CTIF: variants seen among roughly 807,000 people sequenced by gnomAD.
CTIF encodes CBP80/20-dependent translation initiation factor.
In CTIF, 21 loss-of-function variants were observed where a neutral mutation model predicts 66.0. The ratio of observed to expected loss-of-function variants is 0.32; its 90% CI spans 0.23 to 0.46. The LOEUF (loss-of-function observed/expected upper bound fraction) is 0.46. CTIF is among the 20% of genes least tolerant of loss of function. CTIF has a pLI of 1.00. For missense variants in CTIF, 739 were observed against 812.7 expected, an observed-to-expected ratio of 0.91 and a Z score of 1.10; for synonymous variants, 345 against 326.4, an observed-to-expected ratio of 1.06 and a Z score of -0.62.
At chr18:48,636,552 T>C (rs1323851453) in intron 2 of CTIF, 62 bp from the exon 3 acceptor site, 3 of 1,266,600 alleles carry the variant, frequency 2.4e-6, no homozygotes, top group South Asian at 2.0e-5. Context: ...TCCTGCAGCC[T>C]GGCAGAGTGA....
chr18:48,775,386 G>A lies in CTIF; in HGVS notation c.1371+13697G>A, dbSNP rs555443595. ...CTTTTGATGATTCCATTCATTCAAG[G>A]TTCTTAGGGGAGGTCCCAGGCAGGG... On this transcript the variant is annotated intron_variant, in intron 9 of 11. Transcript: ENST00000256413. Among the ~76,000 whole-genome samples the A allele has an allele frequency of 5.9e-4, 90 of 152,342 alleles. 1 individual carries two copies. Among genetic ancestry groups the A allele is most frequent in the Non-Finnish European group, 1.1e-3 (78 of 68,032 alleles).
intron 7 of CTIF, among the ~76,000 whole-genome samples, chr18:48,732,099 C>T (rs967920652): frequency 2.6e-5 from 4 of 152,212 alleles, no homozygotes; most frequent in Non-Finnish European, 4.4e-5. Flanking sequence ...ACCTTACAGC[C>T]GAGGAGACCA....
chr18:48,684,442 T>C (rs918254749), intron 6 of CTIF, among the ~76,000 whole-genome samples: 2 of 152,194 alleles, frequency 1.3e-5, no homozygotes, highest in Non-Finnish European at 2.9e-5. Flanking sequence ...AATACAGATA[T>C]CTAATCTCTA....
At chr18:48,804,874 G>A (rs576458009) in intron 9 of CTIF, among the ~76,000 whole-genome samples, 85 of 152,118 alleles carry the variant, frequency 5.6e-4, no homozygotes, top group African/African-American at 8.0e-4. Flanking sequence ...GCCCCTCACC[G>A]TCCAGTCCCC....
At chr18:48,695,058 C>T (rs1342596315) in intron 6 of CTIF, among the ~76,000 whole-genome samples, 1 of 152,212 alleles carries the variant, frequency 6.6e-6, no homozygotes, top group Non-Finnish European at 1.5e-5. Flanking sequence ...CTATTATCTT[C>T]TTCTGGTACT....
chr18:48,706,872 T>G (rs1300725077), intron 6 of CTIF, among the ~76,000 whole-genome samples: 2 of 152,208 alleles, frequency 1.3e-5, no homozygotes, highest in African/African-American at 4.8e-5. Context: ...GTTTATATAA[T>G]CTACTTGTCT....
intron 1 of CTIF, among the ~76,000 whole-genome samples, chr18:48,587,904 A>G (rs1315217417): frequency 2.0e-5 from 3 of 152,240 alleles, no homozygotes; most frequent in Non-Finnish European, 4.4e-5. Context: ...ACTTACACAC[A>G]GCCAATCGCC....
chr18:48,552,051 C>G (rs907798542), intron 1 of CTIF, among the ~76,000 whole-genome samples: 1 of 152,230 alleles, frequency 6.6e-6, no homozygotes, highest in African/African-American at 2.4e-5. Flanking sequence ...ATCCGCCCGC[C>G]TAGGCCTCCC....
At chr18:48,647,815 C>A (rs117748022) in intron 3 of CTIF, among the ~76,000 whole-genome samples, 2,319 of 152,272 alleles carry the variant, frequency 0.015, 20 homozygotes, top group Admixed American at 0.027. Context: ...GGTCACCCCC[C>A]AGACCAGATG....
At chr18:48,559,275 T>G (rs939275717) in intron 1 of CTIF, among the ~76,000 whole-genome samples, 2 of 152,156 alleles carry the variant, frequency 1.3e-5, no homozygotes, top group Non-Finnish European at 2.9e-5. Flanking sequence ...CTGAGACTTA[T>G]TTCCTCATCC....
intron 1 of CTIF, among the ~76,000 whole-genome samples, chr18:48,609,966 G>T (rs2090275900): frequency 6.6e-6 from 1 of 152,158 alleles, no homozygotes; most frequent in Admixed American, 6.5e-5. Flanking sequence ...AGCTGGGAGT[G>T]GGGCTGGAGG....
intron 7 of CTIF, among the ~76,000 whole-genome samples, chr18:48,712,006 G>A (rs1276215965): frequency 2.0e-5 from 3 of 152,182 alleles, no homozygotes; most frequent in African/African-American, 7.2e-5. Context: ...TGCTGTTTCC[G>A]CTGACCTCAA....
intron 7 of CTIF, among the ~76,000 whole-genome samples, chr18:48,741,828 C>T (rs1270901629): frequency 1.3e-5 from 2 of 152,142 alleles, no homozygotes; most frequent in Non-Finnish European, 2.9e-5. Context: ...TCATCTTCAT[C>T]TTCCCTTGGG....
chr18:48,737,935 C>T (rs999375734), intron 7 of CTIF, among the ~76,000 whole-genome samples: 1 of 152,262 alleles, frequency 6.6e-6, no homozygotes, highest in Non-Finnish European at 1.5e-5. Context: ...CTAAGGCATC[C>T]AGACCGGCTC....
In CTIF at chr18:48,862,562, G is replaced by A. The variant is rs1043388427; in HGVS notation, c.*3003G>A. The A allele has an allele frequency of 5.9e-5, 9 of 152,684 alleles. No individual in the cohort carries two copies. Among genetic ancestry groups the A allele is most frequent in the East Asian group, 1.9e-4 (1 of 5,186 alleles). The allele number at this position is 152,684 out of a possible 1,614,324, so 9.5% of individuals were successfully genotyped here. A position where few individuals can be genotyped will look rare whatever the true frequency, so the allele number is the denominator to read the frequency against. On this transcript the variant is annotated 3_prime_UTR_variant, in exon 12 of 12. Transcript: ENST00000256413. ...CCCTCAGACCCCATTCTCTCTGTTC[G>A]TCCTTCCTTGACCAGTCTGTAAACC...
intron 9 of CTIF, among the ~76,000 whole-genome samples, chr18:48,813,272 C>T (rs1198574166): frequency 6.6e-5 from 10 of 152,260 alleles, no homozygotes; most frequent in African/African-American, 2.4e-4. Flanking sequence ...CCTATTCACA[C>T]ATCATAGAAT....
chr18:48,612,304 C>A (rs2090321749), intron 1 of CTIF, among the ~76,000 whole-genome samples: 1 of 152,198 alleles, frequency 6.6e-6, no homozygotes, highest in African/African-American at 2.4e-5. Flanking sequence ...AGCCTGGGCA[C>A]CCTGGCCTCT....
intron 1 of CTIF, among the ~76,000 whole-genome samples, chr18:48,554,901 A>G (rs2088979398): frequency 2.6e-5 from 4 of 152,230 alleles, no homozygotes; most frequent in Admixed American, 2.6e-4. Flanking sequence ...ATCTTAGACC[A>G]AGGTGTGCCT....
chr18:48,795,137 T>C (rs2067885668), intron 9 of CTIF, among the ~76,000 whole-genome samples: 1 of 152,212 alleles, frequency 6.6e-6, no homozygotes, highest in Non-Finnish European at 1.5e-5. Flanking sequence ...CCTGGCTTTT[T>C]TTGATCCTTG....
Sources: allele counts gnomAD v4.1 joint callset (sites outside exome capture counted in the v4.1 genomes callset), GRCh38; gene constraint gnomAD v4.1.1; transcripts MANE v1.5; gene names NCBI Gene and HGNC (gene_info 2026-07-23, HGNC 2026-07-21).